REL: variants seen among roughly 807,000 people sequenced by gnomAD.
REL encodes REL proto-oncogene, NF-kB subunit.
In REL, 15 loss-of-function variants were observed where a neutral mutation model predicts 45.9. That is an observed-to-expected ratio of 0.33 (90% CI 0.22 to 0.50). The LOEUF (loss-of-function observed/expected upper bound fraction) is 0.50, where lower values mean the gene tolerates loss of function less well. REL is among the 20% of genes least tolerant of loss of function. The probability of loss-of-function intolerance (pLI) is 0.98; values close to 1 mark genes in which losing one functional copy is unlikely to be tolerated. For synonymous variants in REL, 239 were observed against 242.1 expected (o/e 0.99, Z 0.12); for missense variants, 601 against 715.2 (o/e 0.84, Z 1.82).
Position 60,898,077 on chromosome 2 carries a change from A to G in REL, c.303-2915A>G, listed in dbSNP as rs188965791. ...TACCTTCTCAACTGGTTTTGAATCT[A>G]TCCACTTCACTCAGTGAAATTCATC... On this transcript the variant is annotated intron_variant, in intron 3 of 9. Coordinates refer to ENST00000394479, the MANE Select transcript of REL (RefSeq NM_001291746.2). 1.2e-4 allele frequency among the ~76,000 whole-genome samples: 18 copies of G among 152,204 alleles called. No homozygotes were observed. In the East Asian group the frequency reaches 2.7e-3, roughly 23 times the overall value.
At chr2:60,906,512 G>A (rs1169680621) in intron 4 of REL, among the ~76,000 whole-genome samples, 1 of 151,978 alleles carries the variant, frequency 6.6e-6, no homozygotes, top group African/African-American at 2.4e-5. Flanking sequence ...TCTCAAATAT[G>A]GCCTTTAAAG....
chr2:60,922,002 A>G lies in REL; in HGVS notation c.1231A>G (p.Ile411Val). 1.2e-6 allele frequency: 2 copies of G among 1,614,206 alleles called. No homozygotes were observed. The highest frequency in any genetic ancestry group is 1.7e-6 in the Non-Finnish European group (2 of 1,180,040). Residue 411 changes from isoleucine (I) to valine (V), a missense_variant, in exon 10 of 10, where the codon ATC becomes GTC. Around this residue, in one of 4 missense-constraint regions of REL, gnomAD observed 334 missense variants for 333.1 expected, o/e 1.00. Transcript: ENST00000394479. ...GACACTTCCTTCTAATTCGCAAGGT[A>G]TCCCACCATTCCTGAGAATACCTGT... ...TRTLPSNSQG[I>V]PPFLRIPVGN...
rs1263902594 is a variant in REL, at chr2:60,929,303, C to G, written c.*6768C>G. On this transcript the variant is annotated 3_prime_UTR_variant, in exon 10 of 10. Transcript: ENST00000394479. ...GTAGAACTGGAAATACCGTTTGACC[C>G]AGCCATCCCATTACTGGGTATATAC... 1 of 142,430 alleles carries G rather than the reference C, an allele frequency of 7.0e-6. No individual in the cohort carries two copies. Among genetic ancestry groups the G allele is most frequent in the Non-Finnish European group, 1.5e-5 (1 of 64,948 alleles). 8.8% of individuals were successfully genotyped at this position (142,430 alleles called of 1,614,324 possible).
rs778999267 is a variant in REL, at chr2:60,925,402, C to A, written c.*2867C>A. On this transcript the variant is annotated 3_prime_UTR_variant, in exon 10 of 10. Transcript: ENST00000394479. ...GTTCAGGAAGAAAAAAAAAGAAAGA[C>A]CCCTGAGTACCATTAATATTCCTCA... 8 of 189,422 alleles carry A rather than the reference C, an allele frequency of 4.2e-5. No homozygotes were observed. The highest frequency in any genetic ancestry group is 8.9e-5 in the Non-Finnish European group (8 of 90,224). 11.7% of individuals were successfully genotyped at this position (189,422 alleles called of 1,614,324 possible). A position where few individuals can be genotyped will look rare whatever the true frequency, so the allele number is the denominator to read the frequency against.
In REL at chr2:60,929,767, T is replaced by C. The variant is rs1232719375; in HGVS notation, c.*7232T>C. On this transcript the variant is annotated 3_prime_UTR_variant, in exon 10 of 10. Coordinates refer to ENST00000394479, the MANE Select transcript of REL (RefSeq NM_001291746.2). ...TGCACCAGCATGGCACATGTATACA[T>C]ATGTAAGTAACCTGCACAATGTGCA... is the stretch of plus-strand genomic sequence containing the variant. 1 of 151,654 alleles carries C rather than the reference T, an allele frequency of 6.6e-6. No homozygotes were observed. The highest frequency in any genetic ancestry group is 1.5e-5 in the Non-Finnish European group (1 of 67,920). 9.4% of individuals were successfully genotyped at this position (151,654 alleles called of 1,614,324 possible).
chr2:60,916,391 G>A (rs961207163), intron 4 of REL, among the ~76,000 whole-genome samples: 3 of 152,184 alleles, frequency 2.0e-5, no homozygotes, highest in African/African-American at 7.2e-5. Flanking sequence ...TCCAGCCTGG[G>A]CAACAGAGTG....
intron 1 of REL, among the ~76,000 whole-genome samples, chr2:60,885,612 T>C (rs1387903687): frequency 6.6e-6 from 1 of 152,210 alleles, no homozygotes; most frequent in East Asian, 1.9e-4. Flanking sequence ...CCTGATATAT[T>C]GGCATAGCCT....
chr2:60,919,552 G>C (rs1255531022), intron 7 of REL, among the ~76,000 whole-genome samples: 1 of 151,798 alleles, frequency 6.6e-6, no homozygotes, highest in Non-Finnish European at 1.5e-5. Flanking sequence ...CAGCCTCCCA[G>C]GTAGCTGGGA....
chr2:60,928,167 A>G lies in REL; in HGVS notation c.*5632A>G, dbSNP rs1674310833. 1 of 176,410 alleles carries G rather than the reference A, an allele frequency of 5.7e-6. No homozygotes were observed. The highest frequency in any genetic ancestry group is 9.7e-5 in the East Asian group (1 of 10,336). 10.9% of individuals were successfully genotyped at this position (176,410 alleles called of 1,614,324 possible). Reference sequence around the variant, plus strand: ...AACCTGTCTCTGCAAAAAAAAAAAAAAAAAGAGGATACAACCAAATGGAAG... The same window carrying G: ...AACCTGTCTCTGCAAAAAAAAAAAAGAAAAGAGGATACAACCAAATGGAAG... On this transcript the variant is annotated 3_prime_UTR_variant, in exon 10 of 10. Transcript: ENST00000394479.
intron 4 of REL, among the ~76,000 whole-genome samples, chr2:60,906,909 A>ATTTTTTTTTTTTT (rs1291297864): frequency 2.1e-5 from 2 of 97,492 alleles, no homozygotes; most frequent in Non-Finnish European, 4.2e-5. Flanking sequence ...ATATATATAT[A>ATTTTTTTTTTTTT]TATATTTTTT....
At chr2:60,916,804 C>T in intron 4 of REL, 73 bp from the exon 5 acceptor site, 1 of 985,994 alleles carries the variant, frequency 1.0e-6, no homozygotes, top group Non-Finnish European at 1.5e-6. Flanking sequence ...CTATAATGGG[C>T]AGGGAGGAGG....
At chr2:60,894,652 T>A in intron 3 of REL, 107 bp downstream of exon 3, 1 of 803,052 alleles carries the variant, frequency 1.2e-6, no homozygotes, top group Non-Finnish European at 1.8e-6. Flanking sequence ...TTTCTCATTC[T>A]ACTTCTATTT....
Position 60,918,286 on chromosome 2 carries a change from G to A in REL, c.631G>A (p.Val211Ile). Residue 211 changes from valine (V) to isoleucine (I), a missense_variant, in exon 6 of 10, where the codon GTT (valine) becomes ATT (isoleucine). Transcript: ENST00000394479. ...TGAAATATTTCTACTTTGTGACAAA[G>A]TTCAGAAAGGTATTTATTTATTTCA... is the stretch of plus-strand genomic sequence containing the variant. ...GDEIFLLCDK[V>I]QKDDIEVRFV... 1.9e-6 allele frequency: 3 copies of A among 1,588,930 alleles called. No homozygotes were observed. The highest frequency in any genetic ancestry group is 2.6e-6 in the Non-Finnish European group (3 of 1,160,890).
intron 2 of REL, 102 bp downstream of exon 2, chr2:60,891,927 G>A: frequency 8.6e-7 from 1 of 1,156,684 alleles, no homozygotes; most frequent in South Asian, 2.1e-5. Context: ...CATCTCCACA[G>A]GTTTATCTTT....
rs1558780427 is a variant in REL, at chr2:60,881,869, C to CG, written c.10+22dup. On this transcript the variant is annotated intron_variant, in intron 1 of 9. Coordinates refer to ENST00000394479, the MANE Select transcript of REL (RefSeq NM_001291746.2). Reference sequence around the variant, plus strand: ...GCCTCCGGTGAGTGTTCATGGGGCGCGGGCCTGGGCCGGGGGAAAGGAGCT... The same window carrying CG: ...GCCTCCGGTGAGTGTTCATGGGGCGCGGGGCCTGGGCCGGGGGAAAGGAGCT... 7 of 1,458,614 alleles carry CG rather than the reference C, an allele frequency of 4.8e-6. No individual in the cohort carries two copies. Among genetic ancestry groups the CG allele is most frequent in the Non-Finnish European group, 5.4e-6 (6 of 1,104,284 alleles). 90.4% of individuals were successfully genotyped at this position (1,458,614 alleles called of 1,614,324 possible). A position where few individuals can be genotyped will look rare whatever the true frequency, so the allele number is the denominator to read the frequency against.
At chr2:60,916,811 G>T in intron 4 of REL, 66 bp from the exon 5 acceptor site, 2 of 1,111,940 alleles carry the variant, frequency 1.8e-6, no homozygotes, top group East Asian at 2.4e-5. Context: ...GGGCAGGGAG[G>T]AGGACCTAGC....
chr2:60,914,623 C>T (rs1406979529), intron 4 of REL, among the ~76,000 whole-genome samples: 3 of 152,204 alleles, frequency 2.0e-5, no homozygotes, highest in African/African-American at 2.4e-5. Flanking sequence ...TCCATCACCC[C>T]CTAAAATTTC....
At position 60,927,428 on chromosome 2, in the gene REL, A is replaced by G. The variant is rs1674292437; in HGVS notation, c.*4893A>G. 8.7e-6 allele frequency: 2 copies of G among 231,044 alleles called. No individual in the cohort carries two copies. Among genetic ancestry groups the G allele is most frequent in the Non-Finnish European group, 1.7e-5 (2 of 116,648 alleles). The allele number at this position is 231,044 out of a possible 1,614,324, so 14.3% of individuals were successfully genotyped here. On this transcript the variant is annotated 3_prime_UTR_variant, in exon 10 of 10. Coordinates refer to ENST00000394479, the MANE Select transcript of REL (RefSeq NM_001291746.2). ...GCCCTTTGAGACTGAAAGCAGCTCT[A>G]TTGAGAATAGTAGTGTCAACTGTAT... is the stretch of plus-strand genomic sequence containing the variant.
At chr2:60,918,161 C>T (rs1369847600) in intron 5 of REL, 30 bp from the exon 6 acceptor site, 1 of 1,297,904 alleles carries the variant, frequency 7.7e-7, no homozygotes, top group East Asian at 2.3e-5. Context: ...AAGGTAGCAA[C>T]TCATTTTTTT....
Sources: allele counts gnomAD v4.1 joint callset (sites outside exome capture counted in the v4.1 genomes callset), GRCh38; gene constraint gnomAD v4.1.1; regional missense constraint gnomAD v4.1.1; transcripts MANE v1.5; gene names NCBI Gene and HGNC (gene_info 2026-07-23, HGNC 2026-07-21).